COL22A1: variants seen among roughly 807,000 people sequenced by gnomAD.
COL22A1 encodes collagen alpha-1(XXII) chain.
COL22A1 carries 221 observed loss-of-function variants against 248.9 expected under a neutral mutation model. The observed-to-expected ratio is 0.89, with a 90% CI of 0.80 to 0.99. The LOEUF is 0.99. Ranked by LOEUF, COL22A1 falls within the 50% of genes least tolerant of loss-of-function variation. COL22A1 has a pLI of 0.00. For synonymous variants in COL22A1, 891 were observed against 793.4 expected (o/e 1.12, Z -2.07); for missense variants, 2,240 against 2,179.0 (o/e 1.03, Z -0.56).
intron 64 of COL22A1, 106 bp downstream of exon 64, chr8:138,591,318 A>C (rs1339815410): frequency 1.6e-6 from 1 of 609,362 alleles, no homozygotes; most frequent in African/African-American, 1.9e-5. Context: ...GTAGAGCCTA[A>C]GCCCTCCTCT....
chr8:138,590,218 G>T (rs1045432588), intron 64 of COL22A1, among the ~76,000 whole-genome samples: 1 of 151,956 alleles, frequency 6.6e-6, no homozygotes, highest in African/African-American at 2.4e-5. Flanking sequence ...CTTAGTAATC[G>T]TCTTATCAGA....
intron 39 of COL22A1, 54 bp downstream of exon 39, chr8:138,684,371 T>A: frequency 8.4e-7 from 1 of 1,185,926 alleles, no homozygotes; most frequent in Non-Finnish European, 1.3e-6. Flanking sequence ...TTTTCCACGT[T>A]CTCTTTCAAA....
chr8:138,732,682 T>C (rs1222397950), intron 23 of COL22A1, among the ~76,000 whole-genome samples: 2 of 152,000 alleles, frequency 1.3e-5, no homozygotes, highest in African/African-American at 4.8e-5. Flanking sequence ...CAACAAAATA[T>C]GACTGTTCTC....
intron 4 of COL22A1, among the ~76,000 whole-genome samples, chr8:138,840,813 T>C (rs1820827422): frequency 6.6e-6 from 1 of 152,184 alleles, no homozygotes; most frequent in Non-Finnish European, 1.5e-5. Flanking sequence ...GGTTTCACTA[T>C]GTTGCCCAGG....
chr8:138,651,357 C>A (rs1451176248), intron 45 of COL22A1, among the ~76,000 whole-genome samples: 1 of 152,156 alleles, frequency 6.6e-6, no homozygotes, highest in African/African-American at 2.4e-5. Flanking sequence ...AAATTCATGG[C>A]AAATATTCTT....
intron 3 of COL22A1, among the ~76,000 whole-genome samples, chr8:138,865,191 T>C (rs1822769684): frequency 1.3e-5 from 2 of 152,220 alleles, no homozygotes; most frequent in Admixed American, 1.3e-4. Context: ...GTTTTTTTTT[T>C]CTGGGCAAGT....
intron 2 of COL22A1, among the ~76,000 whole-genome samples, chr8:138,879,153 C>T (rs1436698852): frequency 6.6e-6 from 1 of 152,022 alleles, no homozygotes; most frequent in Non-Finnish European, 1.5e-5. Context: ...TGGGACTGTA[C>T]CAGACACACT....
intron 12 of COL22A1, among the ~76,000 whole-genome samples, chr8:138,788,426 A>T (rs762430117): frequency 6.6e-6 from 1 of 152,184 alleles, no homozygotes; most frequent in Non-Finnish European, 1.5e-5. Context: ...GGACAGCAAT[A>T]TTTACCATGA....
At chr8:138,852,484 A>C (rs989929844) in intron 3 of COL22A1, among the ~76,000 whole-genome samples, 3 of 152,136 alleles carry the variant, frequency 2.0e-5, no homozygotes, top group African/African-American at 7.2e-5. Context: ...TTTCCATCTG[A>C]GATGTCCTAT....
At chr8:138,780,621 C>A (rs1179259988) in intron 13 of COL22A1, among the ~76,000 whole-genome samples, 1 of 152,136 alleles carries the variant, frequency 6.6e-6, no homozygotes, top group African/African-American at 2.4e-5. Flanking sequence ...AAATCCATTG[C>A]CTCGCTGGGG....
intron 1 of COL22A1, among the ~76,000 whole-genome samples, chr8:138,889,311 C>T (rs1824883469): frequency 6.6e-6 from 1 of 152,190 alleles, no homozygotes; most frequent in Non-Finnish European, 1.5e-5. Context: ...TTGGAACCAA[C>T]CCAAATGTCC....
At chr8:138,739,674 G>T (rs1831401527) in intron 22 of COL22A1, among the ~76,000 whole-genome samples, 1 of 152,154 alleles carries the variant, frequency 6.6e-6, no homozygotes, top group Non-Finnish European at 1.5e-5. Flanking sequence ...GACATTTGTG[G>T]GCTGAATAAA....
intron 9 of COL22A1, among the ~76,000 whole-genome samples, chr8:138,809,112 A>G (rs1170186401): frequency 6.6e-6 from 1 of 151,912 alleles, no homozygotes; most frequent in African/African-American, 2.4e-5. Flanking sequence ...CAGAAATGAT[A>G]CCTGCTTAAT....
chr8:138,804,639 C>G (rs936815134), intron 10 of COL22A1, among the ~76,000 whole-genome samples: 1 of 152,252 alleles, frequency 6.6e-6, no homozygotes, highest in South Asian at 2.1e-4. Flanking sequence ...TGGGCTGAGC[C>G]GCTCTCCATC....
chr8:138,697,748 T>C (rs930659171), intron 32 of COL22A1, among the ~76,000 whole-genome samples: 5 of 152,232 alleles, frequency 3.3e-5, no homozygotes, highest in Admixed American at 2.6e-4. Context: ...CTTCCTGCAC[T>C]GCAGGGGCTC....
intron 56 of COL22A1, among the ~76,000 whole-genome samples, chr8:138,609,088 T>G (rs1166408174): frequency 6.6e-6 from 1 of 152,234 alleles, no homozygotes. Flanking sequence ...CGGAAGCATG[T>G]TCCACTATAA....
At chr8:138,595,594 G>A (rs374969448) in intron 62 of COL22A1, among the ~76,000 whole-genome samples, 3 of 151,928 alleles carry the variant, frequency 2.0e-5, no homozygotes, top group South Asian at 2.1e-4. Context: ...ACTCCTTAAC[G>A]TGTGCTTCAG....
chr8:138,658,706 A>G (rs1251785723), intron 44 of COL22A1, among the ~76,000 whole-genome samples: 1 of 152,130 alleles, frequency 6.6e-6, no homozygotes, highest in Non-Finnish European at 1.5e-5. Flanking sequence ...TGAGCATAAC[A>G]GCTTTTCTGA....
In COL22A1 at chr8:138,751,514, T is replaced by A. The variant is rs772289507; in HGVS notation, c.2032-3A>T. 2 of 1,606,550 alleles carry A rather than the reference T, an allele frequency of 1.2e-6. No individual in the cohort carries two copies. Among genetic ancestry groups the A allele is most frequent in the Non-Finnish European group, 1.7e-6 (2 of 1,175,168 alleles). On this transcript the variant is annotated splice_polypyrimidine_tract_variant and splice_region_variant and intron_variant, in intron 21 of 64. Transcript: ENST00000303045. ...CTGCCTTCTGGGCCTATTGGACCCT[T>A]TAGGAGGGAGAAAAAGGAAAAAGAG...
Sources: gnomAD v4.1 joint callset for allele counts (sites outside exome capture counted in the v4.1 genomes callset) on GRCh38, gnomAD v4.1.1 for gene constraint, MANE v1.5 for transcripts, NCBI Gene and HGNC (gene_info 2026-07-23, HGNC 2026-07-21) for gene names.